SLK: variants seen among roughly 807,000 people sequenced by gnomAD.
SLK encodes the protein STE20-like serine/threonine-protein kinase.
SLK carries 67 observed loss-of-function variants against 147.7 expected under a neutral mutation model. The ratio of observed to expected loss-of-function variants is 0.45; its 90% CI spans 0.37 to 0.56. The LOEUF is 0.56. SLK is among the 20% of genes least tolerant of loss of function. The probability of loss-of-function intolerance (pLI) is 0.00; values close to 1 mark genes in which losing one functional copy is unlikely to be tolerated. For missense variants in SLK, 1,136 were observed against 1,438.8 expected (o/e 0.79, Z 3.41); for synonymous variants, 441 against 475.0 (o/e 0.93, Z 0.93).
At chr10:104,019,299 A>T (rs1017170362) in intron 15 of SLK, among the ~76,000 whole-genome samples, 2 of 152,146 alleles carry the variant, frequency 1.3e-5, no homozygotes, top group Non-Finnish European at 2.9e-5. Context: ...TTTGAGACAG[A>T]GTCTCGCTCT....
chr10:103,972,713 A>G (rs1169589472), intron 1 of SLK, among the ~76,000 whole-genome samples: 1 of 152,122 alleles, frequency 6.6e-6, no homozygotes, highest in Non-Finnish European at 1.5e-5. Flanking sequence ...CTTTGCTAAC[A>G]TTTAATATTG....
chr10:104,010,298 G>C (rs915471470), intron 12 of SLK, among the ~76,000 whole-genome samples: 2 of 152,072 alleles, frequency 1.3e-5, no homozygotes, highest in South Asian at 4.1e-4. Flanking sequence ...TTTCTCCTTT[G>C]TGTATTCTAA....
Position 104,025,803 on chromosome 10 carries a change from C to G in SLK, c.*83C>G. On this transcript the variant is annotated 3_prime_UTR_variant, in exon 19 of 19. Transcript: ENST00000369755. ...TCTTCTGCCACAGTCTCTCAGATAG[C>G]TCATGAAGACAATCACCTGCCTCAC... 1 of 1,187,568 alleles carries G rather than the reference C, an allele frequency of 8.4e-7. No homozygotes were observed. The highest frequency in any genetic ancestry group is 1.6e-5 in the South Asian group (1 of 64,104). The allele number at this position is 1,187,568 out of a possible 1,614,324, so 73.6% of individuals were successfully genotyped here. A position where few individuals can be genotyped will look rare whatever the true frequency, so the allele number is the denominator to read the frequency against.
At chr10:103,989,993 A>G (rs1264626387) in intron 1 of SLK, among the ~76,000 whole-genome samples, 1 of 152,244 alleles carries the variant, frequency 6.6e-6, no homozygotes, top group East Asian at 1.9e-4. Context: ...ATAGAATATT[A>G]TTCAGTGCTA....
At chr10:103,997,819 T>C (rs763539853) in intron 4 of SLK, among the ~76,000 whole-genome samples, 5 of 152,100 alleles carry the variant, frequency 3.3e-5, no homozygotes, top group Admixed American at 6.5e-5. Context: ...TATTTTGAAA[T>C]AGGATGTTAC....
chr10:103,967,667 C>G lies in SLK; in HGVS notation c.-79C>G. The G allele has an allele frequency of 7.6e-7, 1 of 1,312,580 alleles. No homozygotes were observed. The highest frequency in any genetic ancestry group is 1.0e-6 in the Non-Finnish European group (1 of 989,690). 81.3% of individuals were successfully genotyped at this position (1,312,580 alleles called of 1,614,324 possible). A position where few individuals can be genotyped will look rare whatever the true frequency, so the allele number is the denominator to read the frequency against. ...CCCGCCGCCGCCAGCCGGGCTCGCG[C>G]GGGAGAGCAGGGAAGAGAAACTTTG... On this transcript the variant is annotated 5_prime_UTR_variant, in exon 1 of 19. Transcript: ENST00000369755.
At chr10:104,008,396 T>C in intron 12 of SLK, 40 bp downstream of exon 12, 1 of 1,439,200 alleles carries the variant, frequency 6.9e-7, no homozygotes, top group Non-Finnish European at 9.5e-7. Flanking sequence ...AAAGCTTTTT[T>C]TTTAAAAAAA....
At position 103,993,122 on chromosome 10, in the gene SLK, A is replaced by G. The variant is rs767768980; in HGVS notation, c.503A>G (p.Asp168Gly). 1.2e-6 allele frequency: 2 copies of G among 1,601,724 alleles called. No individual in the cohort carries two copies. Among genetic ancestry groups the G allele is most frequent in the Admixed American group, 3.4e-5 (2 of 58,200 alleles). ...AACATTCTCTTTACCTTAGATGGAG[A>G]TATCAAATTGGGTAAGTTATTCACT... ...AGNILFTLDG[D>G]IKLADFGVSA... The change falls in exon 4 of 19, where the codon GAT becomes GGT. Residue 168 changes from aspartate to glycine, a missense_variant. Physicochemically the swap from Asp to Gly is moderately conservative, Grantham distance 94 (BLOSUM62 -1). Transcript: ENST00000369755.
chr10:104,011,750 T>C (rs1844403603), intron 13 of SLK, among the ~76,000 whole-genome samples: 1 of 152,032 alleles, frequency 6.6e-6, no homozygotes, highest in African/African-American at 2.4e-5. Context: ...TTAGTAGAGA[T>C]GGGGTTTCAC....
rs148096680 is a variant in SLK at position 103,988,538 on chromosome 10, A to G, written c.151-2137A>G. On this transcript the variant is annotated intron_variant, in intron 1 of 18. Coordinates refer to ENST00000369755, the MANE Select transcript of SLK (RefSeq NM_014720.4). Reference sequence around the variant, plus strand: ...CACACAAAAATTTGCAACCTCCGGCATAAATGGGTTTCAACCTCCAGCAGA... The same window carrying G: ...CACACAAAAATTTGCAACCTCCGGCGTAAATGGGTTTCAACCTCCAGCAGA... 1.1e-3 allele frequency among the ~76,000 whole-genome samples: 163 copies of G among 152,332 alleles called. 5 individuals carry two copies. In the East Asian group the frequency reaches 0.022, roughly 20 times the overall value.
chr10:104,020,035 GA>G, intron 16 of SLK, 113 bp downstream of exon 16: 1 of 796,742 alleles, frequency 1.3e-6, no homozygotes, highest in South Asian at 1.7e-5. Context: ...TAGGCTTGTT[GA>G]TGTTCACTTT....
chr10:104,023,786 G>T (rs748607337), intron 18 of SLK, among the ~76,000 whole-genome samples: 1 of 152,026 alleles, frequency 6.6e-6, no homozygotes, highest in Non-Finnish European at 1.5e-5. Context: ...CCCCTCTTGC[G>T]AGTGAGAATA....
intron 7 of SLK, 87 bp from the exon 8 acceptor site, chr10:104,001,357 A>G (rs1844245432): frequency 5.8e-6 from 6 of 1,026,298 alleles, no homozygotes; most frequent in Admixed American, 4.3e-5. Context: ...CATATTTTTT[A>G]CCACATAAGA....
rs541535220 is a variant in SLK, at chr10:104,005,496, A to G, written c.2350-65A>G. ...AAAAAGAAAGAAATGTTTAAGGAAG[A>G]AGAAAATGTTTTCTACCTCCAGTAT... On this transcript the variant is annotated intron_variant, in intron 9 of 18. Transcript: ENST00000369755. 5.1e-5 allele frequency: 73 copies of G among 1,419,780 alleles called. 1 individual carries two copies. In the South Asian group the frequency reaches 9.2e-4, roughly 18 times the overall value. The allele number at this position is 1,419,780 out of a possible 1,614,324, so 87.9% of individuals were successfully genotyped here.
rs759958246 is a variant in SLK, at chr10:103,998,934, A to G, written c.550A>G (p.Ile184Val). 6.8e-6 allele frequency: 11 copies of G among 1,612,064 alleles called. No homozygotes were observed. The South Asian group carries it at 9.9e-5, about 14-fold the overall frequency. ...FGVSAKNTRTIQRRDSFIGTP... is the reference protein window; with the variant it reads ...FGVSAKNTRTVQRRDSFIGTP... ...AGTATCAGCTAAAAACACGAGGACA[A>G]TTCAAAGAAGAGATTCCTTTATTGG... The change falls in exon 5 of 19, where the codon ATT becomes GTT. Residue 184 changes from isoleucine (I) to valine (V), a missense_variant. Transcript: ENST00000369755.
chr10:104,006,198 T>C lies in SLK; in HGVS notation c.2604+163T>C, dbSNP rs549721632. ...TGGCATTTTTACCCTTTTGGTGTTC[T>C]GGATGCCTTTTATTGATTTATTCTT... is the stretch of plus-strand genomic sequence containing the variant. On this transcript the variant is annotated intron_variant, in intron 11 of 18. Transcript: ENST00000369755. Among the ~76,000 whole-genome samples the C allele has an allele frequency of 3.3e-5, 5 of 152,370 alleles. No homozygotes were observed. The East Asian group carries it at 9.6e-4, about 29-fold the overall frequency.
intron 1 of SLK, among the ~76,000 whole-genome samples, chr10:103,976,529 C>T (rs1445658524): frequency 2.6e-5 from 4 of 151,246 alleles, no homozygotes; most frequent in Non-Finnish European, 5.9e-5. Context: ...TTTTTATGTG[C>T]TTATTCAATA....
chr10:104,013,445 C>T (rs980415627), intron 13 of SLK, among the ~76,000 whole-genome samples: 6 of 152,362 alleles, frequency 3.9e-5, no homozygotes, highest in Admixed American at 6.5e-5. Flanking sequence ...AACAGCAACA[C>T]ACTAGAGTTT....
chr10:103,999,784 CTT>C (rs769650373), intron 6 of SLK, 81 bp from the exon 7 acceptor site: 12 of 595,338 alleles, frequency 2.0e-5, no homozygotes, highest in Non-Finnish European at 3.3e-5. Flanking sequence ...CATAATGAAA[CTT>C]AAGCATAACT....
Sources: gnomAD v4.1 joint callset for allele counts (sites outside exome capture counted in the v4.1 genomes callset) on GRCh38, gnomAD v4.1.1 for gene constraint, MANE v1.5 for transcripts, NCBI Gene and HGNC (gene_info 2026-07-23, HGNC 2026-07-21) for gene names.